DGKB: variants seen among roughly 807,000 people sequenced by gnomAD.
The protein encoded by DGKB is 90 kDa diacylglycerol kinase.
DGKB carries 67 observed loss-of-function variants against 114.3 expected under a neutral mutation model. That is an observed-to-expected ratio of 0.59 (90% CI 0.48 to 0.72). The LOEUF (loss-of-function observed/expected upper bound fraction) is 0.72. Among genes scored for constraint, DGKB ranks in the 30% least tolerant of loss-of-function variants. The pLI is 0.00. For synonymous variants in DGKB, 398 were observed against 323.1 expected (o/e 1.23, Z -2.49); for missense variants, 907 against 975.2 (o/e 0.93, Z 0.93).
At chr7:14,774,920 G>A (rs1837933215) in intron 2 of DGKB, among the ~76,000 whole-genome samples, 1 of 152,054 alleles carries the variant, frequency 6.6e-6, no homozygotes, top group Non-Finnish European at 1.5e-5. Flanking sequence ...AGCTGAAGTG[G>A]CTTTTATGTT....
chr7:14,626,783 T>C (rs1808675640), intron 14 of DGKB, among the ~76,000 whole-genome samples: 1 of 152,208 alleles, frequency 6.6e-6, no homozygotes, highest in Admixed American at 6.5e-5. Context: ...TTATAAAGTT[T>C]TAAAGATAAA....
chr7:14,339,123 T>C (rs2190671), intron 22 of DGKB, among the ~76,000 whole-genome samples: 23,044 of 151,716 alleles, frequency 0.15, 2,162 homozygotes, highest in Non-Finnish European at 0.22. Context: ...CAAGGTACTA[T>C]TGGGGGAAAG....
chr7:14,304,393 A>G (rs950784857), intron 23 of DGKB, among the ~76,000 whole-genome samples: 8 of 152,034 alleles, frequency 5.3e-5, no homozygotes, highest in Admixed American at 1.3e-4. Flanking sequence ...GTTTTCTGCA[A>G]TATTCCCAGA....
At chr7:14,386,348 A>G (rs1414372774) in intron 21 of DGKB, among the ~76,000 whole-genome samples, 1 of 152,238 alleles carries the variant, frequency 6.6e-6, no homozygotes, top group Non-Finnish European at 1.5e-5. Context: ...AAATATCTCC[A>G]TTTAAATTCT....
Position 14,869,578 on chromosome 7 carries a change from T to A in DGKB, c.-187-28128A>T, listed in dbSNP as rs1562771196. 2.6e-5 allele frequency among the ~76,000 whole-genome samples: 4 copies of A among 152,184 alleles called. No individual in the cohort carries two copies. In the South Asian group the frequency reaches 8.3e-4, roughly 31 times the overall value. ...ATATCAAACAATTACATGCTTTACT[T>A]TTAAAATGAAATATAATCAATCATA... is the stretch of plus-strand genomic sequence containing the variant. On this transcript the variant is annotated intron_variant, in intron 1 of 25. Coordinates refer to ENST00000402815, the MANE Select transcript of DGKB (RefSeq NM_001350709.2).
intron 1 of DGKB, among the ~76,000 whole-genome samples, chr7:14,960,017 A>G (rs1786747596): frequency 6.6e-6 from 1 of 152,048 alleles, no homozygotes; most frequent in Admixed American, 6.6e-5. Context: ...CTGTATTTTT[A>G]CAGGGAAGAC....
chr7:14,351,768 T>A (rs2128607578), intron 21 of DGKB, among the ~76,000 whole-genome samples: 1 of 152,294 alleles, frequency 6.6e-6, no homozygotes. Flanking sequence ...GAAACTACAA[T>A]TTTGTGGCAA....
intron 2 of DGKB, among the ~76,000 whole-genome samples, chr7:14,811,343 G>A (rs965507798): frequency 1.3e-5 from 2 of 152,128 alleles, no homozygotes; most frequent in Admixed American, 1.3e-4. Flanking sequence ...GAGTAGCCGG[G>A]ACTACAGGAG....
At chr7:14,886,741 A>C (rs1562815634) in intron 1 of DGKB, among the ~76,000 whole-genome samples, 1 of 151,832 alleles carries the variant, frequency 6.6e-6, no homozygotes, top group African/African-American at 2.4e-5. Flanking sequence ...CCTGCAGTTC[A>C]TCCAGCACAT....
At chr7:14,280,369 C>A (rs561341720) in intron 23 of DGKB, among the ~76,000 whole-genome samples, 173 of 151,988 alleles carry the variant, frequency 1.1e-3, no homozygotes, top group South Asian at 2.1e-3. Context: ...GTGAAAAGAC[C>A]AAATCTACGT....
At chr7:14,454,941 A>C (rs768115604) in intron 21 of DGKB, among the ~76,000 whole-genome samples, 25 of 152,056 alleles carry the variant, frequency 1.6e-4, no homozygotes, top group Non-Finnish European at 2.5e-4. Flanking sequence ...CTAAATTCTA[A>C]ATAATTTACC....
chr7:14,908,818 G>A (rs1435649709), intron 1 of DGKB, among the ~76,000 whole-genome samples: 1 of 152,094 alleles, frequency 6.6e-6, no homozygotes, highest in Non-Finnish European at 1.5e-5. Flanking sequence ...TATACATATA[G>A]ACTGGTTTTG....
At chr7:14,824,603 C>G (rs1487386606) in intron 2 of DGKB, among the ~76,000 whole-genome samples, 1 of 152,008 alleles carries the variant, frequency 6.6e-6, no homozygotes, top group Non-Finnish European at 1.5e-5. Context: ...TTTCATTAGC[C>G]TAGACTTAAA....
intron 17 of DGKB, among the ~76,000 whole-genome samples, chr7:14,601,816 A>G (rs1054217561): frequency 6.6e-6 from 1 of 152,190 alleles, no homozygotes; most frequent in Non-Finnish European, 1.5e-5. Flanking sequence ...CCATTTTCGT[A>G]TGAAACCTCA....
chr7:14,166,973 G>A (rs1175718229), intron 25 of DGKB, among the ~76,000 whole-genome samples: 1 of 152,116 alleles, frequency 6.6e-6, no homozygotes, highest in African/African-American at 2.4e-5. Context: ...ACTTTGGGAG[G>A]CCAAGGCAGG....
intron 2 of DGKB, among the ~76,000 whole-genome samples, chr7:14,840,181 C>T (rs1047179498): frequency 1.3e-5 from 2 of 152,122 alleles, no homozygotes; most frequent in African/African-American, 4.8e-5. Context: ...ATAAGTTGAC[C>T]AGATGCCTTA....
At chr7:14,269,939 A>G (rs999360635) in intron 23 of DGKB, among the ~76,000 whole-genome samples, 2 of 151,782 alleles carry the variant, frequency 1.3e-5, no homozygotes, top group African/African-American at 4.8e-5. Context: ...AATTAAGACA[A>G]GGAATTAATA....
intron 23 of DGKB, among the ~76,000 whole-genome samples, chr7:14,238,189 T>G (rs892637087): frequency 2.6e-5 from 4 of 152,048 alleles, no homozygotes; most frequent in African/African-American, 9.7e-5. Context: ...TTCCCATGTA[T>G]TGAGGGAGGG....
intron 23 of DGKB, chr7:14,209,486 A>G (rs775731577): frequency 4.1e-6 from 2 of 490,116 alleles, no homozygotes; most frequent in South Asian, 3.0e-5. Context: ...GTCTCCTTCC[A>G]AAGGTTTTTT....
Sources: gnomAD v4.1 joint callset for allele counts (sites outside exome capture counted in the v4.1 genomes callset) on GRCh38, gnomAD v4.1.1 for gene constraint, MANE v1.5 for transcripts, NCBI Gene and HGNC (gene_info 2026-07-23, HGNC 2026-07-21) for gene names.